Variants in ALDH1L1 observed in about 807,000 individuals in gnomAD.
The protein encoded by ALDH1L1 is cytosolic 10-formyltetrahydrofolate dehydrogenase.
Under a neutral mutation model 101.1 loss-of-function variants are expected in ALDH1L1, and 68 were observed. The observed-to-expected ratio is 0.67, with a 90% confidence interval of 0.55 to 0.82. The LOEUF (loss-of-function observed/expected upper bound fraction) is 0.82. ALDH1L1 is among the 40% of genes least tolerant of loss of function. The probability of loss-of-function intolerance (pLI) is 0.00; values close to 1 mark genes in which losing one functional copy is unlikely to be tolerated. For missense variants in ALDH1L1, 1,087 were observed against 1,172.7 expected, an observed-to-expected ratio of 0.93 and a Z score of 1.07; for synonymous variants, 486 against 470.8, an observed-to-expected ratio of 1.03 and a Z score of -0.42.
Position 126,180,511 on chromosome 3 carries a change from T to G in ALDH1L1, c.-59A>C. 9.9e-7 allele frequency: 1 copy of G among 1,010,652 alleles called. No homozygotes were observed. Among genetic ancestry groups the G allele is most frequent in the Non-Finnish European group, 1.2e-6 (1 of 844,928 alleles). 62.6% of individuals were successfully genotyped at this position (1,010,652 alleles called of 1,614,324 possible). A position where few individuals can be genotyped will look rare whatever the true frequency, so the allele number is the denominator to read the frequency against. On this transcript the variant is annotated 5_prime_UTR_variant, in exon 1 of 23. Coordinates refer to ENST00000393434, the MANE Select transcript of ALDH1L1 (RefSeq NM_012190.4). ...AGTTGGTGCGGGCGTCCCGGGCAGG[T>G]TAGACTTCTGTGAGCCGCAGCCCCG...
Position 126,150,374 on chromosome 3 carries a change from A to G in ALDH1L1, c.984+32T>C, listed in dbSNP as rs368147173. On this transcript the variant is annotated intron_variant, in intron 8 of 22. Transcript: ENST00000393434. The stretch of plus-strand genomic sequence containing the variant: ...CACATGTGCACGGCACAACCTGCCC[A>G]ACTGGATGGCAGCCCTGAAGTTGCC... 1.3e-5 allele frequency: 20 copies of G among 1,548,218 alleles called. No homozygotes were observed. In the African/African-American group the frequency reaches 2.5e-4, roughly 19 times the overall value.
At chr3:126,160,659 TCCAA>T (rs1335481053) in intron 2 of ALDH1L1, among the ~76,000 whole-genome samples, 190 bp downstream of exon 2, 1 of 152,142 alleles carries the variant, frequency 6.6e-6, no homozygotes, top group African/African-American at 2.4e-5. Flanking sequence ...GGAGGGGATC[TCCAA>T]TTTATTCCAG....
At chr3:126,191,165 A>G (rs1264171683) in intron 1 of ALDH1L1, among the ~76,000 whole-genome samples, 2 of 152,232 alleles carry the variant, frequency 1.3e-5, no homozygotes, top group African/African-American at 4.8e-5. Flanking sequence ...GCAACAGCTT[A>G]GATGGAGATT....
At chr3:126,149,793 C>T (rs1350738128) in intron 8 of ALDH1L1, among the ~76,000 whole-genome samples, 3 of 152,176 alleles carry the variant, frequency 2.0e-5, no homozygotes, top group African/African-American at 7.2e-5. Flanking sequence ...AGGGCCTTGC[C>T]ATTTGCTGTT....
intron 9 of ALDH1L1, among the ~76,000 whole-genome samples, chr3:126,140,328 C>T (rs1387215373): frequency 6.6e-6 from 1 of 152,072 alleles, no homozygotes; most frequent in Non-Finnish European, 1.5e-5. Context: ...AAGAATGAAA[C>T]AGAAATTAAG....
At position 126,127,419 on chromosome 3, in the gene ALDH1L1, C is replaced by A. The variant is rs116026881; in HGVS notation, c.1695-1698G>T. On this transcript the variant is annotated intron_variant, in intron 14 of 22. Coordinates refer to ENST00000393434, the MANE Select transcript of ALDH1L1 (RefSeq NM_012190.4). ...AGGCCCGTCCCTCCCTCCCTTGGGG[C>A]CATTCTCCTGCTGTGCGGCCCTGAG... Among the ~76,000 whole-genome samples, 571 of 152,308 alleles carry A rather than the reference C, an allele frequency of 3.7e-3. 3 individuals carry two copies. Among genetic ancestry groups the A allele is most frequent in the Middle Eastern group, 0.017 (5 of 294 alleles).
Position 126,110,101 on chromosome 3 carries a change from C to T in ALDH1L1, c.2190G>A (p.Glu730=). The part of the protein sequence containing the change: ...HDEFVRRVVE[E]VRKMKVGNPL... ...GGTTGCCCACCTTCATCTTCCGCAC[C>T]TCTTCTACCTGCAGAAAGTCCTCCA... Residue 730 remains glutamate, a synonymous_variant, in exon 20 of 23, where the codon GAG becomes GAA. Coordinates refer to ENST00000393434, the MANE Select transcript of ALDH1L1 (RefSeq NM_012190.4). 6.2e-7 allele frequency: 1 copy of T among 1,614,124 alleles called. No individual in the cohort carries two copies.
chr3:126,150,806 C>A, intron 7 of ALDH1L1: 1 of 312,212 alleles, frequency 3.2e-6, no homozygotes, highest in South Asian at 3.0e-5. Context: ...GATCCATCCA[C>A]CTTGGCCTCC....
At chr3:126,154,347 G>A (rs2080864270) in intron 6 of ALDH1L1, among the ~76,000 whole-genome samples, 1 of 152,212 alleles carries the variant, frequency 6.6e-6, no homozygotes, top group Non-Finnish European at 1.5e-5. Flanking sequence ...CTCCAGCTAC[G>A]CAGGACATCT....
At chr3:126,161,523 T>G (rs2108304449) in intron 1 of ALDH1L1, among the ~76,000 whole-genome samples, 1 of 152,304 alleles carries the variant, frequency 6.6e-6, no homozygotes, top group African/African-American at 2.4e-5. Flanking sequence ...AAAAGGGGCC[T>G]GCGTGGGGGC....
intron 1 of ALDH1L1, among the ~76,000 whole-genome samples, chr3:126,176,246 T>G (rs900081950): frequency 2.6e-5 from 4 of 152,200 alleles, no homozygotes; most frequent in African/African-American, 9.6e-5. Flanking sequence ...ACTGTCCAGA[T>G]GTCAGTTCTT....
chr3:126,137,903 C>T lies in ALDH1L1; in HGVS notation c.1134G>A (p.Val378=), dbSNP rs867896962. The change falls in exon 10 of 23, where the codon GTG becomes GTA. Residue 378 remains valine, a synonymous_variant. Transcript: ENST00000393434. ...AGTCCCCAAAGGTGGATGCCATGTA[C>T]ACATCTTCATTTTCTAACTCCAGGC... ...CDGLELENED[V]YMASTFGDFI... 10 of 1,614,182 alleles carry T rather than the reference C, an allele frequency of 6.2e-6. No homozygotes were observed. In the Middle Eastern group the frequency reaches 1.5e-3, roughly 240 times the overall value.
chr3:126,126,080 C>T (rs559302974), intron 14 of ALDH1L1, among the ~76,000 whole-genome samples: 3 of 152,180 alleles, frequency 2.0e-5, no homozygotes, highest in Admixed American at 2.0e-4. Flanking sequence ...TCAGGGGTCA[C>T]CAGGGGTGGG....
intron 1 of ALDH1L1, among the ~76,000 whole-genome samples, chr3:126,197,298 G>C (rs2081586829): frequency 2.0e-5 from 3 of 152,116 alleles, no homozygotes. Flanking sequence ...CAGAAATTAA[G>C]GATCCCATTT....
upstream of ALDH1L1, among the ~76,000 whole-genome samples, chr3:126,186,524 C>A (rs115986864): frequency 6.6e-6 from 1 of 150,838 alleles, no homozygotes; most frequent in Non-Finnish European, 1.5e-5. Context: ...TGACCCTGAG[C>A]CTGAGGGCTT....
upstream of ALDH1L1, chr3:126,180,756 C>T: frequency 6.9e-7 from 1 of 1,439,084 alleles, no homozygotes; most frequent in Non-Finnish European, 9.1e-7. Flanking sequence ...AAGCCAACCC[C>T]GCAGGGGCCT....
intron 12 of ALDH1L1, among the ~76,000 whole-genome samples, chr3:126,133,599 G>A (rs1480333530): frequency 6.6e-6 from 1 of 152,236 alleles, no homozygotes; most frequent in African/African-American, 2.4e-5. Flanking sequence ...GAAGCTCTGA[G>A]AGGCTGCCTT....
intron 20 of ALDH1L1, among the ~76,000 whole-genome samples, chr3:126,109,717 G>C (rs899669844): frequency 6.6e-6 from 1 of 152,168 alleles, no homozygotes; most frequent in Non-Finnish European, 1.5e-5. Flanking sequence ...TCAGAGTCCA[G>C]TTCAATACTG....
chr3:126,163,871 T>C (rs551526066), intron 1 of ALDH1L1, among the ~76,000 whole-genome samples: 1 of 152,320 alleles, frequency 6.6e-6, no homozygotes, highest in East Asian at 1.9e-4. Context: ...CAGTCGCTCA[T>C]GACTGCAACC....
Sources: gnomAD v4.1 joint callset for allele counts (sites outside exome capture counted in the v4.1 genomes callset) on GRCh38, gnomAD v4.1.1 for gene constraint, MANE v1.5 for transcripts, NCBI Gene and HGNC (gene_info 2026-07-23, HGNC 2026-07-21) for gene names.